The following BRWD3 variants were observed in gnomAD, a reference collection of about 807,000 sequenced individuals.
BRWD3 encodes the protein bromodomain and WD repeat-containing protein 3.
A neutral mutation model predicts 149.7 loss-of-function variants in BRWD3; 10 were observed. The observed-to-expected ratio is 0.07, with a 90% CI of 0.04 to 0.11. The LOEUF is 0.11. Among genes scored for constraint, BRWD3 ranks in the 10% least tolerant of loss-of-function variants. The pLI is 1.00. For synonymous variants in BRWD3, 504 were observed against 456.7 expected, an observed-to-expected ratio of 1.10 and a Z score of -1.32; for missense variants, 940 against 1,373.2, an observed-to-expected ratio of 0.68 and a Z score of 4.99.
chrX:80,751,854 A>G (rs1344606058), intron 6 of BRWD3, among the ~76,000 whole-genome samples: 1 of 110,512 alleles, frequency 9.0e-6, no homozygotes, highest in Non-Finnish European at 1.9e-5. Flanking sequence ...GTTTTACTTA[A>G]GATAATGACC....
At position 80,795,455 on chromosome X, in the gene BRWD3, A is replaced by G. The variant is rs760627318; in HGVS notation, c.181-1683T>C. ...TATATATACACGTATATGTATGTGTATATGTATAGATACCTATGTATATCT... is the reference window on the plus strand; with the variant it reads ...TATATATACACGTATATGTATGTGTGTATGTATAGATACCTATGTATATCT... On this transcript the variant is annotated intron_variant, in intron 4 of 40. Coordinates refer to ENST00000373275, the MANE Select transcript of BRWD3 (RefSeq NM_153252.5). Among the ~76,000 whole-genome samples the G allele has an allele frequency of 6.4e-5, 7 of 109,955 alleles. No individual in the cohort carries two copies. In the South Asian group the frequency reaches 2.7e-3, roughly 42 times the overall value.
Position 80,716,154 on chromosome X carries a change from T to C in BRWD3, c.2325+3A>G, listed in dbSNP as rs1173573470. The C allele has an allele frequency of 5.1e-6, 6 of 1,180,992 alleles. No homozygotes were observed. In the African/African-American group the frequency reaches 5.3e-5, roughly 10 times the overall value. On this transcript the variant is annotated splice_donor_region_variant and intron_variant, in intron 20 of 40. Coordinates refer to ENST00000373275, the MANE Select transcript of BRWD3 (RefSeq NM_153252.5). ...TCCCAAAGTATTGTAAAACTATACT[T>C]ACCCTTTGAGTAGTGTAAGATGGCT...
At chrX:80,780,504 A>G (rs1305967003) in intron 6 of BRWD3, among the ~76,000 whole-genome samples, 4 of 111,787 alleles carry the variant, frequency 3.6e-5, no homozygotes, top group African/African-American at 1.3e-4. Flanking sequence ...CCATAAACAC[A>G]TCTTAAAAGG....
At position 80,675,206 on chromosome X, in the gene BRWD3, GTTTT is replaced by G. The variant is rs1246048976; in HGVS notation, c.*1399_*1402del. On this transcript the variant is annotated 3_prime_UTR_variant, in exon 41 of 41. Coordinates refer to ENST00000373275, the MANE Select transcript of BRWD3 (RefSeq NM_153252.5). Reference sequence around the variant, plus strand: ...CAAGACAATAAGGGTTTTTAAAGATGTTTTTTATCTATAAAATAATGATTCACAA... The same window carrying G: ...CAAGACAATAAGGGTTTTTAAAGATGTTATCTATAAAATAATGATTCACAA... The G allele has an allele frequency of 1.8e-5, 2 of 111,771 alleles. No homozygotes were observed. The highest frequency in any genetic ancestry group is 6.5e-5 in the African/African-American group (2 of 30,827). 9.2% of individuals were successfully genotyped at this position (111,771 alleles called of 1,213,427 possible).
rs1402027566 is a variant in BRWD3 at position 80,691,112 on chromosome X, T to A, written c.3543A>T (p.Val1181=). Residue 1181 remains valine (V), a synonymous_variant, in exon 31 of 41, where the codon GTA becomes GTT. Transcript: ENST00000373275. The part of the protein sequence containing the change: ...DLSAYPLYCT[V]VAYPTDLNTI... ...TATTGAGGTCAGTTGGATAAGCAACTACAGTACAATACAAGGGGTAGGCAC... is the reference window on the plus strand; with the variant it reads ...TATTGAGGTCAGTTGGATAAGCAACAACAGTACAATACAAGGGGTAGGCAC... The A allele has an allele frequency of 8.3e-7, 1 of 1,207,095 alleles. No homozygotes were observed.
chrX:80,766,705 T>C (rs1455421096), intron 6 of BRWD3, among the ~76,000 whole-genome samples: 1 of 111,724 alleles, frequency 9.0e-6, no homozygotes, highest in Non-Finnish European at 1.9e-5. Context: ...ATGCAGAAGA[T>C]GGGTGATTTC....
rs2072358220 is a variant in BRWD3, at chrX:80,675,722, G to A, written c.*887C>T. 1 of 111,729 alleles carries A rather than the reference G, an allele frequency of 9.0e-6. No individual in the cohort carries two copies. Among genetic ancestry groups the A allele is most frequent in the African/African-American group, 3.3e-5 (1 of 30,762 alleles). The allele number at this position is 111,729 out of a possible 1,213,427, so 9.2% of individuals were successfully genotyped here. ...CTACTGTTCAAAGAAGTTGTTCTTT[G>A]TGGATGAGGATTTTTCAAATGTTTA... On this transcript the variant is annotated 3_prime_UTR_variant, in exon 41 of 41. Coordinates refer to ENST00000373275, the MANE Select transcript of BRWD3 (RefSeq NM_153252.5).
Position 80,682,475 on chromosome X carries a change from C to T in BRWD3, c.4387G>A (p.Gly1463Arg). 1 of 1,209,578 alleles carries T rather than the reference C, an allele frequency of 8.3e-7. No homozygotes were observed. The highest frequency in any genetic ancestry group is 1.1e-6 in the Non-Finnish European group (1 of 894,049). ...TCAATGTAATGATACCTAGGTGCTC[C>T]ACTACTAGATAATGAACTGCTGCTG... ...RSSSSSLSSS[G>R]APSPKGKQKQ... The change falls in exon 38 of 41, where the codon GGA (glycine) becomes AGA (arginine). Residue 1463 changes from glycine (G) to arginine (R), a missense_variant. Physicochemically the swap from Gly to Arg is moderately radical, Grantham distance 125. Transcript: ENST00000373275.
At chrX:80,730,425 G>GAAAGAAAGAAAGAAAGA (rs1555972920) in intron 12 of BRWD3, among the ~76,000 whole-genome samples, 20 of 108,606 alleles carry the variant, frequency 1.8e-4, no homozygotes, top group Non-Finnish European at 3.6e-4. Context: ...AAGAAAGAAA[G>GAAAGAAAGAAAGAAAGA]AAAGAAAGAA....
intron 6 of BRWD3, among the ~76,000 whole-genome samples, chrX:80,762,262 A>G (rs1490532286): frequency 8.9e-6 from 1 of 111,798 alleles, no homozygotes; most frequent in Non-Finnish European, 1.9e-5. Context: ...AATGGACGTT[A>G]AAGATAAATT....
intron 21 of BRWD3, among the ~76,000 whole-genome samples, chrX:80,707,791 T>C (rs188504145): frequency 6.1e-4 from 68 of 111,958 alleles, no homozygotes; most frequent in Admixed American, 5.7e-3. Context: ...TTAAATACAT[T>C]AGAAACATTG....
Position 80,736,104 on chromosome X carries a change from A to T in BRWD3, c.814-16T>A, listed in dbSNP as rs991641140. On this transcript the variant is annotated splice_polypyrimidine_tract_variant and intron_variant, in intron 8 of 40. Coordinates refer to ENST00000373275, the MANE Select transcript of BRWD3 (RefSeq NM_153252.5). ...ATGGACAAAACTTAAAAAAAAAAAA[A>T]TCTGATTCAAATAAAAAGTTTTCAT... 6 of 1,026,210 alleles carry T rather than the reference A, an allele frequency of 5.8e-6. No individual in the cohort carries two copies. The African/African-American group carries it at 9.5e-5, about 16-fold the overall frequency. 84.6% of individuals were successfully genotyped at this position (1,026,210 alleles called of 1,213,427 possible).
chrX:80,670,063 A>T lies in BRWD3; in HGVS notation c.*6546T>A, dbSNP rs184410811. Among the ~76,000 whole-genome samples, 1 of 111,528 alleles carries T rather than the reference A, an allele frequency of 9.0e-6. No individual in the cohort carries two copies. The highest frequency in any genetic ancestry group is 3.2e-5 in the African/African-American group (1 of 30,809). ...ATTAGATGTTTATAATCTGTAGATA[A>T]GAACTTCATTAAGGCAATTGTCACA... On this transcript the variant is annotated 3_prime_UTR_variant, in exon 41 of 41. Coordinates refer to ENST00000373275, the MANE Select transcript of BRWD3 (RefSeq NM_153252.5).
chrX:80,759,698 A>T (rs916202356), intron 6 of BRWD3, among the ~76,000 whole-genome samples: 1 of 111,946 alleles, frequency 8.9e-6, no homozygotes, highest in African/African-American at 3.2e-5. Flanking sequence ...GTCAAACAAT[A>T]TGAAATGGCT....
chrX:80,684,080 A>T lies in BRWD3; in HGVS notation c.4163T>A (p.Leu1388Gln), dbSNP rs1569245100. ...TLEAGNYGSPLEFYKDVRQIF... is the reference protein window; with the variant it reads ...TLEAGNYGSPQEFYKDVRQIF... ...TTGGCGAACATCCTTATAAAATTCC[A>T]GAGGACTACCATAGTTTCCTGCTTC... The change falls in exon 37 of 41, where the codon CTG becomes CAG. Residue 1388 changes from leucine to glutamine, a missense_variant. Leu to Gln is a moderately radical substitution (Grantham distance 113). This residue lies in a region of BRWD3 where 349 missense variants were observed against 419.6 expected (regional missense o/e 0.83). Transcript: ENST00000373275. The T allele has an allele frequency of 8.3e-7, 1 of 1,204,574 alleles. No individual in the cohort carries two copies. Among genetic ancestry groups the T allele is most frequent in the East Asian group, 3.0e-5 (1 of 33,670 alleles).
At chrX:80,704,515 A>C (rs2147716174) in intron 23 of BRWD3, among the ~76,000 whole-genome samples, 163 bp downstream of exon 23, 1 of 112,313 alleles carries the variant, frequency 8.9e-6, no homozygotes, top group East Asian at 2.8e-4. Context: ...ATAACAGAAA[A>C]ATTTCAAAAA....
Position 80,717,254 on chromosome X carries a change from T to C in BRWD3, c.2231+319A>G, listed in dbSNP as rs1306655060. ...CAGGCTGCTCCAATGTTAGGGTCCA[T>C]ATATCACTCACATATTTAATTATGT... is the stretch of plus-strand genomic sequence containing the variant. On this transcript the variant is annotated intron_variant, in intron 19 of 40. Transcript: ENST00000373275. 4 of 238,217 alleles carry C rather than the reference T, an allele frequency of 1.7e-5. No homozygotes were observed. The East Asian group carries it at 3.9e-4, about 23-fold the overall frequency. The allele number at this position is 238,217 out of a possible 1,213,427, so 19.6% of individuals were successfully genotyped here. A position where few individuals can be genotyped will look rare whatever the true frequency, so the allele number is the denominator to read the frequency against.
intron 4 of BRWD3, among the ~76,000 whole-genome samples, chrX:80,795,203 C>T (rs1187729676): frequency 9.0e-6 from 1 of 110,908 alleles, no homozygotes. Flanking sequence ...TTCATAAATA[C>T]TTAATTGTTA....
chrX:80,679,083 A>G (rs1300532606), intron 40 of BRWD3, among the ~76,000 whole-genome samples: 1 of 112,294 alleles, frequency 8.9e-6, no homozygotes, highest in African/African-American at 3.2e-5. Context: ...ATACCCACCC[A>G]TATGGCACTT....
Sources: gnomAD v4.1 joint callset for allele counts (sites outside exome capture counted in the v4.1 genomes callset) on GRCh38, gnomAD v4.1.1 for gene constraint, gnomAD v4.1.1 regional missense constraint, MANE v1.5 for transcripts, NCBI Gene and HGNC (gene_info 2026-07-23, HGNC 2026-07-21) for gene names.